CCSER2: variants seen among roughly 807,000 people sequenced by gnomAD.
CCSER2 encodes serine-rich coiled-coil domain-containing protein 2.
Under a neutral mutation model 92.3 loss-of-function variants are expected in CCSER2, and 46 were observed. The ratio of observed to expected loss-of-function variants is 0.50; its 90% CI spans 0.39 to 0.64. CCSER2 has a LOEUF of 0.64. Ranked by LOEUF, CCSER2 falls within the 30% of genes least tolerant of loss-of-function variation. The pLI is 0.00. For synonymous variants in CCSER2, 433 were observed against 431.4 expected, an observed-to-expected ratio of 1.00 and a Z score of -0.04; for missense variants, 1,244 against 1,238.9, an observed-to-expected ratio of 1.00 and a Z score of -0.06.
rs1554856586 is a variant in CCSER2, at chr10:84,465,290, T to TGA, written c.2148+1275_2148+1276dup. 1.5e-3 allele frequency among the ~76,000 whole-genome samples: 149 copies of TGA among 100,702 alleles called. 3 individuals carry two copies. Among genetic ancestry groups the TGA allele is most frequent in the Middle Eastern group, 6.3e-3 (1 of 158 alleles). The allele number at this position is 100,702 out of a possible 152,430, so 66.1% of individuals were successfully genotyped here. On this transcript the variant is annotated intron_variant, in intron 7 of 9. Coordinates refer to ENST00000372088, the MANE Select transcript of CCSER2 (RefSeq NM_001284240.2). ...GTGTGTGTGTGTGTGTGTGTGTGTG[T>TGA]GAAAAAGTTTTTTACATGTAAAGAT...
At chr10:84,425,559 CAGA>C (rs1425471359) in intron 4 of CCSER2, among the ~76,000 whole-genome samples, 169 bp from the exon 5 acceptor site, 1 of 152,064 alleles carries the variant, frequency 6.6e-6, no homozygotes, top group African/African-American at 2.4e-5. Flanking sequence ...CAGTTTTCAC[CAGA>C]AGAACTGGTT....
intron 3 of CCSER2, among the ~76,000 whole-genome samples, chr10:84,390,035 C>T (rs1299149611): frequency 1.3e-5 from 2 of 152,242 alleles, no homozygotes; most frequent in Admixed American, 6.5e-5. Flanking sequence ...AGTTGCTGCT[C>T]ATAGGCATCT....
At chr10:84,443,809 G>C (rs1844735251) in intron 6 of CCSER2, among the ~76,000 whole-genome samples, 1 of 152,142 alleles carries the variant, frequency 6.6e-6, no homozygotes, top group Non-Finnish European at 1.5e-5. Flanking sequence ...ATACTGTGCA[G>C]CCACAAAAAA....
rs867520459 is a variant in CCSER2 at position 84,391,649 on chromosome 10, A to T, written c.1614+17834A>T. On this transcript the variant is annotated intron_variant, in intron 3 of 9. Coordinates refer to ENST00000372088, the MANE Select transcript of CCSER2 (RefSeq NM_001284240.2). ...GTTGCACTAGCTTGTAGAAATCATT[A>T]ACAGACCCAACACACCAAAGACATT... 67 of 1,535,140 alleles carry T rather than the reference A, an allele frequency of 4.4e-5. 1 individual carries two copies. In the Middle Eastern group the frequency reaches 1.4e-3, roughly 32 times the overall value.
intron 3 of CCSER2, among the ~76,000 whole-genome samples, chr10:84,384,203 A>C (rs1012685943): frequency 6.6e-6 from 1 of 152,174 alleles, no homozygotes; most frequent in Non-Finnish European, 1.5e-5. Context: ...CATGCAAGAG[A>C]GCTGGCATCA....
At chr10:84,336,743 G>A (rs891525774) in intron 1 of CCSER2, among the ~76,000 whole-genome samples, 3 of 152,180 alleles carry the variant, frequency 2.0e-5, no homozygotes, top group African/African-American at 7.2e-5. Context: ...AAGGTGGGGA[G>A]CCACCAGAGT....
Position 84,516,302 on chromosome 10 carries a change from A to G in CCSER2, c.*2035A>G, listed in dbSNP as rs542324744. ...TTGTACCATACTCTTATGTACCAGC[A>G]CTTCTGATGGAGAAGCAGTGAAGTT... is the stretch of plus-strand genomic sequence containing the variant. On this transcript the variant is annotated 3_prime_UTR_variant, in exon 10 of 10. Coordinates refer to ENST00000372088, the MANE Select transcript of CCSER2 (RefSeq NM_001284240.2). 2.0e-5 allele frequency: 3 copies of G among 152,224 alleles called. No homozygotes were observed. The highest frequency in any genetic ancestry group is 4.4e-5 in the Non-Finnish European group (3 of 68,052). The allele number at this position is 152,224 out of a possible 1,614,324, so 9.4% of individuals were successfully genotyped here. A position where few individuals can be genotyped will look rare whatever the true frequency, so the allele number is the denominator to read the frequency against.
intron 3 of CCSER2, among the ~76,000 whole-genome samples, chr10:84,379,717 G>C (rs1016285523): frequency 6.6e-6 from 1 of 152,072 alleles, no homozygotes; most frequent in African/African-American, 2.4e-5. Context: ...GTATGATTTT[G>C]TACGTATTTT....
intron 6 of CCSER2, among the ~76,000 whole-genome samples, chr10:84,457,737 G>GTGTGTT (rs1845859371): frequency 7.8e-6 from 1 of 128,056 alleles, no homozygotes. Context: ...AATTTTGTTT[G>GTGTGTT]TTTGTTTTTG....
At chr10:84,341,707 A>G (rs1589391408) in intron 1 of CCSER2, among the ~76,000 whole-genome samples, 1 of 152,040 alleles carries the variant, frequency 6.6e-6, no homozygotes, top group Non-Finnish European at 1.5e-5. Flanking sequence ...CCAGGTTGTG[A>G]CCTGTGTCTA....
intron 6 of CCSER2, among the ~76,000 whole-genome samples, chr10:84,450,336 A>G (rs890213350): frequency 5.9e-5 from 9 of 152,218 alleles, no homozygotes; most frequent in Non-Finnish European, 1.2e-4. Flanking sequence ...AGGACATCAC[A>G]CGTAATAAGG....
chr10:84,409,105 C>G (rs906413085), intron 3 of CCSER2, among the ~76,000 whole-genome samples: 1 of 152,086 alleles, frequency 6.6e-6, no homozygotes, highest in Non-Finnish European at 1.5e-5. Context: ...ATTCTCCTGC[C>G]TCAGCCTCCT....
At chr10:84,490,700 T>A (rs144880112) in intron 9 of CCSER2, among the ~76,000 whole-genome samples, 18 of 152,368 alleles carry the variant, frequency 1.2e-4, no homozygotes, top group Non-Finnish European at 2.1e-4. Flanking sequence ...CTCCTTTAGT[T>A]TGAAGAAGTT....
At chr10:84,509,419 C>T (rs1315464989) in intron 9 of CCSER2, among the ~76,000 whole-genome samples, 3 of 152,118 alleles carry the variant, frequency 2.0e-5, no homozygotes, top group Non-Finnish European at 4.4e-5. Context: ...AAAGGAGCTC[C>T]AAGTCTTTGG....
intron 9 of CCSER2, among the ~76,000 whole-genome samples, chr10:84,483,255 T>C (rs1336067243): frequency 2.6e-5 from 4 of 151,960 alleles, no homozygotes; most frequent in Admixed American, 6.6e-5. Flanking sequence ...TAGTCAGGCG[T>C]GGTGGTGCAT....
At chr10:84,370,133 G>A (rs1167987429) in intron 1 of CCSER2, among the ~76,000 whole-genome samples, 5 of 151,828 alleles carry the variant, frequency 3.3e-5, no homozygotes, top group Admixed American at 3.3e-4. Context: ...GGTTCCATAT[G>A]AATTTTAGGA....
rs778550470 is a variant in CCSER2, at chr10:84,371,023, A to C, written c.-30A>C. On this transcript the variant is annotated 5_prime_UTR_variant, in exon 2 of 10. Transcript: ENST00000372088. ...TTTTTTCTCTTCACAGATTCTTTCAACTTTTAAGAACAAATGCACCTTATA... is the reference window on the plus strand; with the variant it reads ...TTTTTTCTCTTCACAGATTCTTTCACCTTTTAAGAACAAATGCACCTTATA... The C allele has an allele frequency of 3.5e-6, 5 of 1,421,914 alleles. No individual in the cohort carries two copies. The Admixed American group carries it at 1.2e-4, about 34-fold the overall frequency. 88.1% of individuals were successfully genotyped at this position (1,421,914 alleles called of 1,614,324 possible).
At chr10:84,421,964 AG>A (rs1843174705) in intron 4 of CCSER2, among the ~76,000 whole-genome samples, 1 of 152,192 alleles carries the variant, frequency 6.6e-6, no homozygotes. Flanking sequence ...GATTCTCTGT[AG>A]TATTCCTGCC....
At chr10:84,360,022 C>T (rs1419419110) in intron 1 of CCSER2, among the ~76,000 whole-genome samples, 1 of 152,084 alleles carries the variant, frequency 6.6e-6, no homozygotes, top group Non-Finnish European at 1.5e-5. Flanking sequence ...CCATCTTGGC[C>T]AGGCTGGTCT....
Sources: allele counts gnomAD v4.1 joint callset (sites outside exome capture counted in the v4.1 genomes callset), GRCh38; gene constraint gnomAD v4.1.1; transcripts MANE v1.5; gene names NCBI Gene and HGNC (gene_info 2026-07-23, HGNC 2026-07-21).